Variants in PIEZO1 observed in about 807,000 individuals in gnomAD.
PIEZO1 encodes piezo type mechanosensitive ion channel component 1 (Er blood group), also known as piezo-type mechanosensitive ion channel component 1.
PIEZO1 carries 296 observed loss-of-function variants against 297.2 expected under a neutral mutation model. That is an observed-to-expected ratio of 1.00 (90% CI 0.91 to 1.10). The LOEUF is 1.10. Ranked by LOEUF, PIEZO1 falls within the 50% of genes least tolerant of loss-of-function variation. The pLI, the probability that PIEZO1 is intolerant of heterozygous loss-of-function variation, is 0.00. For missense variants in PIEZO1, 5,018 were observed against 3,455.5 expected (o/e 1.45, Z -11.34); for synonymous variants, 2,427 against 1,507.5 (o/e 1.61, Z -14.13).
intron 5 of PIEZO1, chr16:88,740,004 G>T (rs1454278635): frequency 6.9e-6 from 1 of 145,696 alleles, no homozygotes; most frequent in Non-Finnish European, 1.6e-5. Flanking sequence ...AGGCCACCGA[G>T]GGGCAGGCCC....
At chr16:88,774,659 A>C (rs1397158604) in intron 1 of PIEZO1, among the ~76,000 whole-genome samples, 1 of 152,220 alleles carries the variant, frequency 6.6e-6, no homozygotes, top group Non-Finnish European at 1.5e-5. Flanking sequence ...TGGACCCATG[A>C]AGAAGGGCCG....
chr16:88,722,316 A>G lies in PIEZO1; in HGVS notation c.4857T>C (p.Ser1619=), dbSNP rs1163528868. The G allele has an allele frequency of 6.5e-7, 1 of 1,547,056 alleles. No homozygotes were observed. The highest frequency in any genetic ancestry group is 8.7e-7 in the Non-Finnish European group (1 of 1,145,918). Residue 1619 remains serine (S), a synonymous_variant, in exon 36 of 51, where the codon AGT becomes AGC. Transcript: ENST00000301015. ...SPLSTGYHTR[S]GSEEAVTDPG... is the part of the protein sequence containing the mutation. Reference sequence around the variant, plus strand: ...GGTCGGTGACTGCCTCCTCACTGCCACTGCGCGTGTGGTAGCCGGTGCTCA... The same window carrying G: ...GGTCGGTGACTGCCTCCTCACTGCCGCTGCGCGTGTGGTAGCCGGTGCTCA...
At position 88,733,457 on chromosome 16, in the gene PIEZO1, G is replaced by C; in HGVS notation, c.2488-3C>G. 6.5e-7 allele frequency: 1 copy of C among 1,545,590 alleles called. No homozygotes were observed. Among genetic ancestry groups the C allele is most frequent in the Non-Finnish European group, 8.7e-7 (1 of 1,143,260 alleles). ...AGCAGCAGGTTCATCACCGACACCT[G>C]AGGGCAGTGGGCACGTGGGGCTGGG... On this transcript the variant is annotated splice_polypyrimidine_tract_variant and splice_region_variant and intron_variant, in intron 18 of 50. Coordinates refer to ENST00000301015, the MANE Select transcript of PIEZO1 (RefSeq NM_001142864.4).
chr16:88,737,459 G>C, intron 10 of PIEZO1, 100 bp downstream of exon 10: 1 of 783,940 alleles, frequency 1.3e-6, no homozygotes, highest in Non-Finnish European at 2.0e-6. Context: ...GCAGAGGTGC[G>C]GCGCGAGCAT....
At position 88,734,086 on chromosome 16, in the gene PIEZO1, A is replaced by G. The variant is rs1014941442; in HGVS notation, c.2181-32T>C. The G allele has an allele frequency of 1.5e-5, 22 of 1,479,434 alleles. No homozygotes were observed. The East Asian group carries it at 3.5e-4, about 24-fold the overall frequency. 91.6% of individuals were successfully genotyped at this position (1,479,434 alleles called of 1,614,324 possible). On this transcript the variant is annotated intron_variant, in intron 16 of 50. Coordinates refer to ENST00000301015, the MANE Select transcript of PIEZO1 (RefSeq NM_001142864.4). ...GAGGGTCCGAAAATGTCATCTCCCA[A>G]CTGGGTTCCTGCCCCTCATTTCCTG...
chr16:88,723,188 G>C, intron 32 of PIEZO1, 37 bp from the exon 33 acceptor site: 1 of 1,549,214 alleles, frequency 6.5e-7, no homozygotes, highest in South Asian at 1.2e-5. Flanking sequence ...TGGCAGTCCC[G>C]CGGCTTCCCC....
chr16:88,749,012 C>A (rs577521293), intron 2 of PIEZO1, among the ~76,000 whole-genome samples: 7 of 146,420 alleles, frequency 4.8e-5, no homozygotes, highest in African/African-American at 7.6e-5. Context: ...CCGAGGCGGG[C>A]GGATCACAAG....
intron 20 of PIEZO1, 25 bp downstream of exon 20, chr16:88,732,582 G>A (rs748909841): frequency 2.0e-4 from 315 of 1,543,414 alleles, no homozygotes; most frequent in Non-Finnish European, 2.3e-4. Flanking sequence ...CGCCCGCCCA[G>A]CCGCCCACCA....
chr16:88,715,352 TG>T lies in PIEZO1; in HGVS notation c.*252del. On this transcript the variant is annotated 3_prime_UTR_variant, in exon 51 of 51. Coordinates refer to ENST00000301015, the MANE Select transcript of PIEZO1 (RefSeq NM_001142864.4). ...GGGGACTGGCCTCTGATTGTCCATT[TG>T]TATAAATAAAACATTTTTTAATTAA... The T allele has an allele frequency of 7.1e-6, 9 of 1,267,266 alleles. No individual in the cohort carries two copies. Among genetic ancestry groups the T allele is most frequent in the African/African-American group, 3.0e-5 (2 of 66,180 alleles). 78.5% of individuals were successfully genotyped at this position (1,267,266 alleles called of 1,614,324 possible).
chr16:88,784,879 CAGGCGCCCG>C lies in PIEZO1; in HGVS notation c.64+13_64+21del. The C allele has an allele frequency of 1.4e-6, 2 of 1,428,548 alleles. No homozygotes were observed. Among genetic ancestry groups the C allele is most frequent in the Non-Finnish European group, 9.2e-7 (1 of 1,085,892 alleles). 88.5% of individuals were successfully genotyped at this position (1,428,548 alleles called of 1,614,324 possible). On this transcript the variant is annotated intron_variant, in intron 1 of 50. Coordinates refer to ENST00000301015, the MANE Select transcript of PIEZO1 (RefSeq NM_001142864.4). ...AGACGCAGCCCCCTCCCGTCGCCCC[CAGGCGCCCG>C]CCCCCCACTCACCAGCCAGCAGCGC...
chr16:88,784,899 A>G lies in PIEZO1; in HGVS notation c.64+2T>C. The G allele has an allele frequency of 7.0e-7, 1 of 1,434,308 alleles. No homozygotes were observed. Among genetic ancestry groups the G allele is most frequent in the Non-Finnish European group, 9.2e-7 (1 of 1,091,758 alleles). 88.8% of individuals were successfully genotyped at this position (1,434,308 alleles called of 1,614,324 possible). A position where few individuals can be genotyped will look rare whatever the true frequency, so the allele number is the denominator to read the frequency against. On this transcript the variant is annotated splice_donor_variant, in intron 1 of 50. Transcript: ENST00000301015. LOFTEE classifies it high-confidence loss of function. The stretch of plus-strand genomic sequence containing the variant: ...GCCCCCAGGCGCCCGCCCCCCACTC[A>G]CCAGCCAGCAGCGCGCAGGGCAGCA...
chr16:88,736,863 T>G (rs1379745835), intron 10 of PIEZO1, 124 bp from the exon 11 acceptor site: 2 of 595,492 alleles, frequency 3.4e-6, no homozygotes, highest in African/African-American at 3.9e-5. Context: ...CGGTGGGCTA[T>G]GGGCAGAACA....
chr16:88,720,513 G>A lies in PIEZO1; in HGVS notation c.5821C>T (p.Pro1941Ser). 13 of 1,550,144 alleles carry A rather than the reference G, an allele frequency of 8.4e-6. No homozygotes were observed. Among genetic ancestry groups the A allele is most frequent in the East Asian group, 2.4e-5 (1 of 40,926 alleles). ...CLSLAQGTYR[P>S]LRRFFHDILH... ...ATGTCGTGGAAGAAGCGCCGTAGCG[G>A]CCGATATGTGCCCTGGGCCCTGCGG... Residue 1941 changes from proline to serine, a missense_variant, in exon 41 of 51, where the codon CCG (proline) becomes TCG (serine). Physicochemically the swap from Pro to Ser is moderately conservative, Grantham distance 74. Transcript: ENST00000301015.
intron 1 of PIEZO1, among the ~76,000 whole-genome samples, chr16:88,763,114 G>T (rs1238807523): frequency 6.6e-6 from 1 of 152,228 alleles, no homozygotes; most frequent in African/African-American, 2.4e-5. Context: ...TGGCGTTCCA[G>T]GTCATGATTC....
At chr16:88,761,540 C>T (rs1051935472) in intron 1 of PIEZO1, among the ~76,000 whole-genome samples, 2 of 152,182 alleles carry the variant, frequency 1.3e-5, no homozygotes, top group Non-Finnish European at 2.9e-5. Flanking sequence ...GGGGTGGGGG[C>T]GGGTGAGCTG....
Position 88,721,265 on chromosome 16 carries a change from G to A in PIEZO1, c.5569C>T (p.Pro1857Ser), listed in dbSNP as rs35159887. The A allele has an allele frequency of 0.3, 462,311 of 1,543,298 alleles. 74,198 individuals are homozygous for A. Among genetic ancestry groups the A allele is most frequent in the Non-Finnish European group, 0.33 (379,853 of 1,146,330 alleles). Residue 1857 changes from proline (P) to serine (S), a missense_variant, in exon 39 of 51, where the codon CCC becomes TCC. Pro to Ser is a moderately conservative substitution (Grantham distance 74). Coordinates refer to ENST00000301015, the MANE Select transcript of PIEZO1 (RefSeq NM_001142864.4). ...RVGPTDGTPE[P>S]QVELRPRDTR... ...TCACGGGGCCTGAGCTCCACTTGGG[G>A]TTCTGGGGTCCCGTCCGTGGGTCCG... is the stretch of plus-strand genomic sequence containing the variant.
At chr16:88,719,777 C>G (rs763657781) in intron 43 of PIEZO1, 25 bp downstream of exon 43, 1 of 1,550,190 alleles carries the variant, frequency 6.5e-7, no homozygotes, top group East Asian at 2.4e-5. Flanking sequence ...GGCCGTGACC[C>G]CCACCCCGGC....
intron 1 of PIEZO1, among the ~76,000 whole-genome samples, chr16:88,772,443 C>G (rs1907466503): frequency 6.6e-6 from 1 of 152,178 alleles, no homozygotes; most frequent in Admixed American, 6.5e-5. Context: ...CAGGCCCCAG[C>G]CCACAGGCAG....
intron 2 of PIEZO1, among the ~76,000 whole-genome samples, chr16:88,746,015 G>A (rs1258771449): frequency 1.3e-5 from 2 of 152,242 alleles, no homozygotes; most frequent in Non-Finnish European, 1.5e-5. Context: ...TCTGTGGGGA[G>A]TGTGGAGTTG....
Sources: gnomAD v4.1 joint callset for allele counts (sites outside exome capture counted in the v4.1 genomes callset) on GRCh38, gnomAD v4.1.1 for gene constraint, MANE v1.5 for transcripts, NCBI Gene and HGNC (gene_info 2026-07-23, HGNC 2026-07-21) for gene names.